Variants in NRXN1 observed in about 807,000 individuals in gnomAD.
NRXN1 encodes the protein neurexin-1.
In NRXN1, 39 loss-of-function variants were observed where a neutral mutation model predicts 150.9. The ratio of observed to expected loss-of-function variants is 0.26; its 90% CI spans 0.20 to 0.34. NRXN1 has a LOEUF of 0.34. Among genes scored for constraint, NRXN1 ranks in the 10% least tolerant of loss-of-function variants. NRXN1 has a pLI of 1.00. For missense variants in NRXN1, 1,815 were observed against 1,949.9 expected, an observed-to-expected ratio of 0.93 and a Z score of 1.30; for synonymous variants, 924 against 757.0, an observed-to-expected ratio of 1.22 and a Z score of -3.62.
chr2:50,904,897 G>A (rs1340352480), intron 5 of NRXN1, among the ~76,000 whole-genome samples: 2 of 151,982 alleles, frequency 1.3e-5, no homozygotes, highest in African/African-American at 2.4e-5. Flanking sequence ...TAATCCTTCT[G>A]GGTACTTATA....
chr2:50,220,944 A>C (rs1368407876), intron 18 of NRXN1, among the ~76,000 whole-genome samples: 1 of 151,948 alleles, frequency 6.6e-6, no homozygotes, highest in Non-Finnish European at 1.5e-5. Flanking sequence ...TATCCTGCCC[A>C]CCATATAACT....
intron 21 of NRXN1, among the ~76,000 whole-genome samples, chr2:50,007,232 T>C (rs902169580): frequency 3.3e-5 from 5 of 152,078 alleles, no homozygotes; most frequent in African/African-American, 9.6e-5. Flanking sequence ...TGTAGTACCA[T>C]CTCCTAAGGA....
rs183172599 is a variant in NRXN1 at position 50,885,910 on chromosome 2, T to C, written c.832+35959A>G. Among the ~76,000 whole-genome samples, 238 of 150,968 alleles carry C rather than the reference T, an allele frequency of 1.6e-3. 3 individuals carry two copies. The highest frequency in any genetic ancestry group is 5.4e-3 in the African/African-American group (223 of 41,326). On this transcript the variant is annotated intron_variant, in intron 5 of 22. Coordinates refer to ENST00000401669, the MANE Select transcript of NRXN1 (RefSeq NM_001330078.2). The stretch of plus-strand genomic sequence containing the variant: ...TGAGTTAGAAGTACATTTTAGTTAA[T>C]TGTCTCTCCTCAAATAACTCTCTGT...
intron 15 of NRXN1, among the ~76,000 whole-genome samples, chr2:50,483,463 A>G (rs986074331): frequency 6.6e-6 from 1 of 152,088 alleles, no homozygotes. Context: ...ACTTGCCCCA[A>G]GTTCTTTCTT....
chr2:50,242,322 G>A (rs1399309035), intron 17 of NRXN1, among the ~76,000 whole-genome samples: 2 of 151,810 alleles, frequency 1.3e-5, no homozygotes, highest in East Asian at 1.9e-4. Flanking sequence ...CAAAAGCACA[G>A]AGAAGACCAC....
chr2:50,740,115 G>A (rs1332057191), intron 5 of NRXN1, among the ~76,000 whole-genome samples: 1 of 152,062 alleles, frequency 6.6e-6, no homozygotes, highest in African/African-American at 2.4e-5. Flanking sequence ...TTGTGCTATT[G>A]TTCCATCTAT....
Position 49,965,158 on chromosome 2 carries a change from G to A in NRXN1, c.4129-21367C>T, listed in dbSNP as rs539580302. Among the ~76,000 whole-genome samples the A allele has an allele frequency of 1.8e-3, 269 of 151,892 alleles. 2 individuals are homozygous for A. The highest frequency in any genetic ancestry group is 6.4e-3 in the African/African-American group (264 of 41,450). On this transcript the variant is annotated intron_variant, in intron 21 of 22. Coordinates refer to ENST00000401669, the MANE Select transcript of NRXN1 (RefSeq NM_001330078.2). ...GCCTCCCAAAGTGCTGGGATTACAG[G>A]CATGAGCCACTATGTCCGGTTTCAA...
intron 17 of NRXN1, among the ~76,000 whole-genome samples, chr2:50,435,271 A>G (rs1284277467): frequency 6.6e-6 from 1 of 152,160 alleles, no homozygotes; most frequent in African/African-American, 2.4e-5. Context: ...CAAATCGGGG[A>G]TAATTCCTGC....
chr2:50,108,744 T>C (rs1483633024), intron 18 of NRXN1, among the ~76,000 whole-genome samples: 1 of 152,104 alleles, frequency 6.6e-6, no homozygotes, highest in African/African-American at 2.4e-5. Context: ...TGCTTAACAC[T>C]AAAAGCGTTC....
At chr2:50,376,084 C>T (rs759599058) in intron 17 of NRXN1, among the ~76,000 whole-genome samples, 2 of 150,994 alleles carry the variant, frequency 1.3e-5, no homozygotes, top group East Asian at 3.9e-4. Context: ...GACTATATTG[C>T]TGAAGGGGAG....
chr2:50,070,638 C>T (rs925315916), intron 19 of NRXN1, among the ~76,000 whole-genome samples: 6 of 151,194 alleles, frequency 4.0e-5, no homozygotes, highest in African/African-American at 9.7e-5. Context: ...GGCGTAGTGG[C>T]GGGCGCCTGT....
chr2:50,520,997 T>C (rs2092772888), intron 12 of NRXN1, among the ~76,000 whole-genome samples: 2 of 152,266 alleles, frequency 1.3e-5, no homozygotes, highest in South Asian at 2.1e-4. Flanking sequence ...TTTACATGCA[T>C]AAACTACTTC....
chr2:50,476,579 T>G (rs10187846), intron 15 of NRXN1, among the ~76,000 whole-genome samples: 2 of 151,992 alleles, frequency 1.3e-5, no homozygotes, highest in African/African-American at 4.8e-5. Flanking sequence ...TCTGTAAGGA[T>G]GACACATCTA....
At chr2:50,891,576 T>A (rs755815578) in intron 5 of NRXN1, among the ~76,000 whole-genome samples, 1 of 152,084 alleles carries the variant, frequency 6.6e-6, no homozygotes, top group Non-Finnish European at 1.5e-5. Flanking sequence ...CTATAAAAAT[T>A]AATCATTACT....
At chr2:50,930,966 G>C (rs1259544467) in intron 2 of NRXN1, among the ~76,000 whole-genome samples, 2 of 152,130 alleles carry the variant, frequency 1.3e-5, no homozygotes, top group African/African-American at 2.4e-5. Context: ...TTGGACTGAG[G>C]TTAAGAGAGT....
intron 2 of NRXN1, among the ~76,000 whole-genome samples, chr2:50,951,243 CT>C (rs1487033194): frequency 6.6e-6 from 1 of 152,076 alleles, no homozygotes; most frequent in African/African-American, 2.4e-5. Context: ...AGTACTATAT[CT>C]GAGGCACAAA....
intron 5 of NRXN1, chr2:50,918,343 A>T (rs926456129): frequency 1.2e-5 from 3 of 258,942 alleles, no homozygotes; most frequent in African/African-American, 6.6e-5. Context: ...TACAATAAGA[A>T]AAATGTTCTG....
chr2:50,026,718 C>T (rs1306738322), intron 21 of NRXN1, among the ~76,000 whole-genome samples: 1 of 151,784 alleles, frequency 6.6e-6, no homozygotes, highest in Non-Finnish European at 1.5e-5. Context: ...TTTTCACTTC[C>T]TTTTTAGATT....
intron 2 of NRXN1, chr2:50,979,387 T>G: frequency 2.3e-6 from 1 of 427,752 alleles, no homozygotes; most frequent in Non-Finnish European, 4.6e-6. Context: ...CTTGCCAGTT[T>G]TCAGGTATTT....
Sources: gnomAD v4.1 joint callset for allele counts (sites outside exome capture counted in the v4.1 genomes callset) on GRCh38, gnomAD v4.1.1 for gene constraint, MANE v1.5 for transcripts, NCBI Gene and HGNC (gene_info 2026-07-23, HGNC 2026-07-21) for gene names.